The following RNF17 variants were observed in gnomAD, a reference collection of about 807,000 sequenced individuals.
RNF17 encodes the protein spermatogenesis associated 23.
A neutral mutation model predicts 200.5 loss-of-function variants in RNF17; 31 were observed. The ratio of observed to expected loss-of-function variants is 0.15; its 90% CI spans 0.12 to 0.21. RNF17 has a LOEUF of 0.21. Ranked by LOEUF, RNF17 falls within the 10% of genes least tolerant of loss-of-function variation. RNF17 has a pLI of 1.00. For missense variants in RNF17, 1,628 were observed against 1,905.1 expected (o/e 0.85, Z 2.71); for synonymous variants, 606 against 637.8 (o/e 0.95, Z 0.75).
chr13:24,787,858 G>C (rs935110111), intron 6 of RNF17, 130 bp from the exon 7 acceptor site: 4 of 587,592 alleles, frequency 6.8e-6, no homozygotes, highest in Non-Finnish European at 8.6e-6. Flanking sequence ...TTCAGTTACT[G>C]TTTGCCTCAT....
intron 5 of RNF17, 147 bp downstream of exon 5, chr13:24,779,894 A>G (rs1882116998): frequency 9.1e-6 from 5 of 547,182 alleles, no homozygotes; most frequent in Admixed American, 3.5e-5. Context: ...AACTTTTCCC[A>G]TAGCCTGCCA....
chr13:24,846,762 C>T (rs549430907), intron 22 of RNF17, among the ~76,000 whole-genome samples: 4 of 152,170 alleles, frequency 2.6e-5, no homozygotes, highest in Non-Finnish European at 4.4e-5. Context: ...TGTTGGGCTA[C>T]ATTCAAAGCT....
In RNF17 at chr13:24,799,474, T is replaced by C. The variant is rs202167583; in HGVS notation, c.1479T>C (p.Gly493=). 41 of 1,609,780 alleles carry C rather than the reference T, an allele frequency of 2.5e-5. No homozygotes were observed. The highest frequency in any genetic ancestry group is 3.3e-5 in the Admixed American group (2 of 59,956). The change falls in exon 12 of 36, where the codon GGT becomes GGC. Residue 493 remains glycine (G), a synonymous_variant. Coordinates refer to ENST00000255324, the MANE Select transcript of RNF17 (RefSeq NM_031277.3). ...TCACAGAATTAATTCCAATAGAGGG[T>C]AGAAATACCAGAAAACCTTGTAGTC... ...GTITELIPIE[G]RNTRKPCSPT... is the part of the protein sequence containing the mutation.
At chr13:24,758,823 T>G in the RNF17 span, among the ~76,000 whole-genome samples, 1 of 152,022 alleles carries the variant, frequency 6.6e-6, no homozygotes, top group Non-Finnish European at 1.5e-5. Context: ...ACGCTTGTAA[T>G]CCTAGCACTT....
At chr13:24,756,137 T>G in the RNF17 span, among the ~76,000 whole-genome samples, 2 of 152,314 alleles carry the variant, frequency 1.3e-5, no homozygotes, top group African/African-American at 4.8e-5. Context: ...CCATTTGATA[T>G]CATACTTTTG....
the RNF17 span, chr13:24,886,394 C>T: frequency 7.8e-7 from 1 of 1,286,794 alleles, no homozygotes; most frequent in Non-Finnish European, 1.0e-6. Context: ...GCCTGTGAGA[C>T]AGGAATGGTT....
chr13:24,781,367 C>A (rs1882347612), intron 5 of RNF17, among the ~76,000 whole-genome samples: 1 of 151,942 alleles, frequency 6.6e-6, no homozygotes, highest in Admixed American at 6.6e-5. Flanking sequence ...TGTGGTGGCT[C>A]ACACCTGTAA....
At chr13:24,867,402 T>C (rs190800794) in intron 30 of RNF17, among the ~76,000 whole-genome samples, 1 of 152,330 alleles carries the variant, frequency 6.6e-6, no homozygotes, top group Admixed American at 6.5e-5. Context: ...TATCTGTTTT[T>C]TTTCTTTTGT....
chr13:24,789,059 C>A (rs1883506669), intron 7 of RNF17, among the ~76,000 whole-genome samples: 1 of 152,062 alleles, frequency 6.6e-6, no homozygotes, highest in Non-Finnish European at 1.5e-5. Flanking sequence ...GAAAATAGGG[C>A]AGAAAGGGAG....
At chr13:24,806,221 C>A (rs1461630695) in intron 15 of RNF17, among the ~76,000 whole-genome samples, 1 of 152,172 alleles carries the variant, frequency 6.6e-6, no homozygotes, top group Admixed American at 6.5e-5. Context: ...GCATAGTATT[C>A]CATGGTGTAT....
intron 10 of RNF17, among the ~76,000 whole-genome samples, chr13:24,795,151 A>G (rs554091007): frequency 1.3e-5 from 2 of 152,218 alleles, no homozygotes; most frequent in East Asian, 1.9e-4. Context: ...CCATTTGTTC[A>G]GTTTCTGTCA....
chr13:24,880,216 CCTT>C (rs1258186251), downstream of RNF17, among the ~76,000 whole-genome samples: 1 of 152,120 alleles, frequency 6.6e-6, no homozygotes, highest in African/African-American at 2.4e-5. Context: ...AAGCAAGTCA[CCTT>C]CTTCACAAGG....
At position 24,793,251 on chromosome 13, in the gene RNF17, T is replaced by C; in HGVS notation, c.1145T>C (p.Val382Ala). The change falls in exon 10 of 36, where the codon GTT becomes GCT. Residue 382 changes from valine (V) to alanine (A), a missense_variant. Val to Ala is a moderately conservative substitution (Grantham distance 64). This residue lies in a region of RNF17 where 502 missense variants were observed against 501.7 expected (regional missense o/e 1.00). Transcript: ENST00000255324. ...EAKNFQPQKD[V>A]ATASPKTIAV... ...AAAAACTTCCAGCCACAGAAAGACG[T>C]TGCAACAGCATCCCCTAAAACCATT... 6.2e-7 allele frequency: 1 copy of C among 1,614,084 alleles called. No individual in the cohort carries two copies. The highest frequency in any genetic ancestry group is 8.5e-7 in the Non-Finnish European group (1 of 1,179,972).
chr13:24,854,574 A>G (rs1892267559), intron 25 of RNF17, among the ~76,000 whole-genome samples: 1 of 152,198 alleles, frequency 6.6e-6, no homozygotes, highest in Non-Finnish European at 1.5e-5. Flanking sequence ...GTGCCAAAGA[A>G]GGCAATCACT....
At chr13:24,825,495 G>T in intron 15 of RNF17, 124 bp from the exon 16 acceptor site, 1 of 697,718 alleles carries the variant, frequency 1.4e-6, no homozygotes, top group Non-Finnish European at 2.4e-6. Context: ...TAACACAATT[G>T]ATAGATTTAC....
chr13:24,815,007 G>C (rs1887208930), intron 15 of RNF17, among the ~76,000 whole-genome samples: 1 of 152,110 alleles, frequency 6.6e-6, no homozygotes, highest in Admixed American at 6.6e-5. Flanking sequence ...ACAAGTGAGA[G>C]AGAGAGAAGG....
chr13:24,775,632 G>A (rs1249423647), intron 3 of RNF17, among the ~76,000 whole-genome samples: 1 of 152,058 alleles, frequency 6.6e-6, no homozygotes, highest in Non-Finnish European at 1.5e-5. Context: ...ATTTATAAAA[G>A]GAAAAATAAT....
Position 24,767,249 on chromosome 13 carries a change from ATAAT to A in RNF17, c.131-19_131-16del, listed in dbSNP as rs1195742473. 4 of 1,487,016 alleles carry A rather than the reference ATAAT, an allele frequency of 2.7e-6. No homozygotes were observed. The highest frequency in any genetic ancestry group is 1.7e-5 in the Admixed American group (1 of 59,122). 92.1% of individuals were successfully genotyped at this position (1,487,016 alleles called of 1,614,324 possible). A position where few individuals can be genotyped will look rare whatever the true frequency, so the allele number is the denominator to read the frequency against. ...AATAATCATCATCATCATCAAAATA[ATAAT>A]TAAGAATTTCATCAATAGGTCACCA... On this transcript the variant is annotated intron_variant, in intron 1 of 35. Coordinates refer to ENST00000255324, the MANE Select transcript of RNF17 (RefSeq NM_031277.3).
In RNF17 at chr13:24,861,255, T is replaced by G; in HGVS notation, c.3775-13T>G. The G allele has an allele frequency of 6.4e-7, 1 of 1,569,076 alleles. No homozygotes were observed. Among genetic ancestry groups the G allele is most frequent in the Non-Finnish European group, 8.7e-7 (1 of 1,151,050 alleles). On this transcript the variant is annotated splice_polypyrimidine_tract_variant and intron_variant, in intron 26 of 35. Coordinates refer to ENST00000255324, the MANE Select transcript of RNF17 (RefSeq NM_031277.3). The stretch of plus-strand genomic sequence containing the variant: ...ATAAATTTTAACTATAAATTGTATT[T>G]GTCGTGTTTCAGGTACAATATTTAG...
Sources: allele counts gnomAD v4.1 joint callset (sites outside exome capture counted in the v4.1 genomes callset), GRCh38; gene constraint gnomAD v4.1.1; regional missense constraint gnomAD v4.1.1; transcripts MANE v1.5; gene names NCBI Gene and HGNC (gene_info 2026-07-23, HGNC 2026-07-21).